The following NIPAL2 variants were observed in gnomAD, a reference collection of about 807,000 sequenced individuals.
The protein encoded by NIPAL2 is NIPA-like protein 2.
In NIPAL2, 43 loss-of-function variants were observed where a neutral mutation model predicts 48.9. The observed-to-expected ratio is 0.88, with a 90% CI of 0.69 to 1.13. NIPAL2 has a LOEUF of 1.13. Ranked by LOEUF, NIPAL2 falls within the 50% of genes most tolerant of loss-of-function variation. NIPAL2 has a pLI of 0.00. For missense variants in NIPAL2, 446 were observed against 461.4 expected, an observed-to-expected ratio of 0.97 and a Z score of 0.31; for synonymous variants, 167 against 174.6, an observed-to-expected ratio of 0.96 and a Z score of 0.34.
chr8:98,252,696 T>C, intron 2 of NIPAL2, 62 bp from the exon 3 acceptor site: 2 of 1,431,630 alleles, frequency 1.4e-6, no homozygotes. Flanking sequence ...ATGCCACTTT[T>C]TTTCTTTTGT....
rs71572005 is a variant in NIPAL2, at chr8:98,280,736, CTATA to C, written c.135+13263_135+13266del. 2.6e-3 allele frequency among the ~76,000 whole-genome samples: 101 copies of C among 39,016 alleles called. 2 individuals carry two copies. Among genetic ancestry groups the C allele is most frequent in the African/African-American group, 4.6e-3 (53 of 11,490 alleles). The allele number at this position is 39,016 out of a possible 152,430, so 25.6% of individuals were successfully genotyped here. On this transcript the variant is annotated intron_variant, in intron 1 of 10. Coordinates refer to ENST00000430223, the MANE Select transcript of NIPAL2 (RefSeq NM_001321635.2). ...CCTCTGACTTTCAAATAGTCCATTA[CTATA>C]TATATATATATATATATATATAGAG...
At chr8:98,290,653 G>C (rs1315096286) in intron 1 of NIPAL2, among the ~76,000 whole-genome samples, 1 of 152,210 alleles carries the variant, frequency 6.6e-6, no homozygotes, top group African/African-American at 2.4e-5. Flanking sequence ...ACAGACTCTA[G>C]CACTGGTTGC....
chr8:98,270,724 T>C (rs927314886), intron 1 of NIPAL2, among the ~76,000 whole-genome samples: 4 of 152,164 alleles, frequency 2.6e-5, no homozygotes, highest in African/African-American at 9.7e-5. Flanking sequence ...TGTCAATTTT[T>C]ATTTTTGTTG....
At chr8:98,245,959 G>A (rs17288024) in intron 3 of NIPAL2, among the ~76,000 whole-genome samples, 52,374 of 152,032 alleles carry the variant, frequency 0.34, 9,537 homozygotes, top group Middle Eastern at 0.42. Flanking sequence ...ATCAATGTCC[G>A]TGTGAAGTGA....
chr8:98,260,621 G>C (rs1814251143), intron 1 of NIPAL2, among the ~76,000 whole-genome samples: 1 of 152,208 alleles, frequency 6.6e-6, no homozygotes, highest in South Asian at 2.1e-4. Flanking sequence ...CTGGCTCGGA[G>C]GGTCCTACGC....
At chr8:98,242,487 G>GGTTTTTTGTTTT (rs1563515945) in intron 3 of NIPAL2, among the ~76,000 whole-genome samples, 3 of 35,284 alleles carry the variant, frequency 8.5e-5, no homozygotes, top group Non-Finnish European at 2.2e-4. Flanking sequence ...GCACCTGACA[G>GGTTTTTTGTTTT]ATTTTTTTTT....
chr8:98,230,647 G>A (rs1812397204), intron 4 of NIPAL2, among the ~76,000 whole-genome samples: 1 of 152,174 alleles, frequency 6.6e-6, no homozygotes, highest in Non-Finnish European at 1.5e-5. Flanking sequence ...CTGTGAGCAT[G>A]CCTTTGTTTC....
chr8:98,210,995 C>T (rs1202903367), intron 6 of NIPAL2, among the ~76,000 whole-genome samples: 6 of 152,116 alleles, frequency 3.9e-5, no homozygotes, highest in African/African-American at 1.2e-4. Flanking sequence ...TCCTGGAGAA[C>T]CCCTGTCTTA....
intron 1 of NIPAL2, among the ~76,000 whole-genome samples, chr8:98,261,395 A>C (rs1457481705): frequency 1.4e-5 from 2 of 138,450 alleles, no homozygotes. Flanking sequence ...ATTTAGAAGA[A>C]TGTATAACTA....
intron 3 of NIPAL2, among the ~76,000 whole-genome samples, chr8:98,249,034 G>C (rs1813434575): frequency 6.6e-6 from 1 of 152,056 alleles, no homozygotes; most frequent in Admixed American, 6.6e-5. Context: ...TCCCTAAAGG[G>C]TTTTCTGCAG....
At chr8:98,236,081 TA>T in intron 4 of NIPAL2, 73 bp downstream of exon 4, 1 of 1,081,208 alleles carries the variant, frequency 9.2e-7, no homozygotes, top group Non-Finnish European at 1.4e-6. Context: ...TTATCGCACA[TA>T]TTTTTTATGG....
At chr8:98,195,281 C>G (rs1055657496) in intron 9 of NIPAL2, among the ~76,000 whole-genome samples, 1 of 152,108 alleles carries the variant, frequency 6.6e-6, no homozygotes, top group Non-Finnish European at 1.5e-5. Flanking sequence ...AGATGGCTTC[C>G]TACACCGAAA....
intron 5 of NIPAL2, among the ~76,000 whole-genome samples, chr8:98,218,455 G>C (rs1238812722): frequency 6.6e-6 from 1 of 152,198 alleles, no homozygotes; most frequent in African/African-American, 2.4e-5. Context: ...CACAAAGTAT[G>C]ACAGACCCGA....
chr8:98,210,678 G>T (rs1046011829), intron 6 of NIPAL2, among the ~76,000 whole-genome samples: 7 of 152,172 alleles, frequency 4.6e-5, no homozygotes, highest in Admixed American at 2.0e-4. Flanking sequence ...CATGAGCTGA[G>T]AGAAGTCTCC....
At chr8:98,206,558 G>A (rs555942180) in intron 6 of NIPAL2, among the ~76,000 whole-genome samples, 87 of 152,034 alleles carry the variant, frequency 5.7e-4, no homozygotes, top group South Asian at 3.1e-3. Context: ...AGGCCAAGGC[G>A]GGCGGATCAT....
intron 1 of NIPAL2, among the ~76,000 whole-genome samples, chr8:98,283,270 A>G (rs1218922988): frequency 6.6e-6 from 1 of 152,216 alleles, no homozygotes; most frequent in Non-Finnish European, 1.5e-5. Flanking sequence ...ATTTCTGAGA[A>G]ATGTAAGTCT....
intron 1 of NIPAL2, among the ~76,000 whole-genome samples, chr8:98,286,670 G>A (rs368110102): frequency 3.6e-4 from 54 of 152,012 alleles, no homozygotes; most frequent in African/African-American, 8.0e-4. Context: ...TTATCTGGGC[G>A]TGGTGGTACA....
At chr8:98,283,988 C>A (rs1816006322) in intron 1 of NIPAL2, among the ~76,000 whole-genome samples, 1 of 152,070 alleles carries the variant, frequency 6.6e-6, no homozygotes, top group Non-Finnish European at 1.5e-5. Context: ...TGTGCTATAC[C>A]CCTTAGACAT....
intron 3 of NIPAL2, among the ~76,000 whole-genome samples, chr8:98,240,706 G>C (rs1812940065): frequency 1.3e-5 from 2 of 152,300 alleles, no homozygotes; most frequent in East Asian, 3.9e-4. Context: ...AGAATGCTGG[G>C]AAGTGGAATA....
Sources: allele counts gnomAD v4.1 joint callset (sites outside exome capture counted in the v4.1 genomes callset), GRCh38; gene constraint gnomAD v4.1.1; transcripts MANE v1.5; gene names NCBI Gene and HGNC (gene_info 2026-07-23, HGNC 2026-07-21).